Variants in PCDHGA3 observed in about 807,000 individuals in gnomAD.
PCDHGA3 encodes protocadherin gamma-A3.
A neutral mutation model predicts 58.5 loss-of-function variants in PCDHGA3; 40 were observed. The ratio of observed to expected loss-of-function variants is 0.68; its 90% CI spans 0.53 to 0.89. The LOEUF (loss-of-function observed/expected upper bound fraction) is 0.89, where lower values mean the gene tolerates loss of function less well. Among genes scored for constraint, PCDHGA3 ranks in the 40% least tolerant of loss-of-function variants. The pLI, the probability that PCDHGA3 is intolerant of heterozygous loss-of-function variation, is 0.00. For synonymous variants in PCDHGA3, 530 were observed against 525.7 expected (o/e 1.01, Z -0.11); for missense variants, 1,223 against 1,195.9 (o/e 1.02, Z -0.33).
Position 141,477,535 on chromosome 5 carries a change from G to A in PCDHGA3, c.2425-17272G>A, listed in dbSNP as rs2099412713. ...ACATTGAAGAAAACAACCTCCCCGG[G>A]GCTCCAATACTAAACCTAAGTGTCT... On this transcript the variant is annotated intron_variant, in intron 1 of 3. Transcript: ENST00000253812. The surrounding 1 kb of genome is among the most constrained non-coding windows in gnomAD (Gnocchi z 4.9). 1.2e-6 allele frequency: 2 copies of A among 1,613,936 alleles called. No homozygotes were observed. The highest frequency in any genetic ancestry group is 2.7e-5 in the African/African-American group (2 of 74,866).
rs761350249 is a variant in PCDHGA3 at position 141,418,909 on chromosome 5, G to A, written c.2424+72452G>A. Reference sequence around the variant, plus strand: ...ACAACAGCCCAGAAATAATCATCACGTCACTCTCTGATCAGATTATGGAGG... The same window carrying A: ...ACAACAGCCCAGAAATAATCATCACATCACTCTCTGATCAGATTATGGAGG... On this transcript the variant is annotated intron_variant, in intron 1 of 3. Coordinates refer to ENST00000253812, the MANE Select transcript of PCDHGA3 (RefSeq NM_018916.4). The A allele has an allele frequency of 1.9e-6, 3 of 1,613,906 alleles. No homozygotes were observed. In the Admixed American group the frequency reaches 5.0e-5, roughly 27 times the overall value.
intron 1 of PCDHGA3, chr5:141,388,456 A>G: frequency 5.0e-6 from 8 of 1,613,810 alleles, no homozygotes; most frequent in Non-Finnish European, 5.9e-6. Flanking sequence ...GGCAGTAAAT[A>G]CCCTGAGATG....
In PCDHGA3 at chr5:141,454,796, A is replaced by ATTTTTTTTTTTTTTTTTTTTT. The variant is rs61612330; in HGVS notation, c.2425-40002_2425-39982dup. Reference sequence around the variant, plus strand: ...AAGGAAATAATCCTCCATGGTTCTAATTTTTTTTTTTTTTTTTTTTTTTTT... The same window carrying ATTTTTTTTTTTTTTTTTTTTT: ...AAGGAAATAATCCTCCATGGTTCTAATTTTTTTTTTTTTTTTTTTTTTTTTTTTTTTTTTTTTTTTTTTTTT... On this transcript the variant is annotated intron_variant, in intron 1 of 3. Transcript: ENST00000253812. Among the ~76,000 whole-genome samples, 10 of 77,454 alleles carry ATTTTTTTTTTTTTTTTTTTTT rather than the reference A, an allele frequency of 1.3e-4. 1 individual carries two copies. Among genetic ancestry groups the ATTTTTTTTTTTTTTTTTTTTT allele is most frequent in the Non-Finnish European group, 1.9e-4 (8 of 42,810 alleles). The allele number at this position is 77,454 out of a possible 152,430, so 50.8% of individuals were successfully genotyped here. A position where few individuals can be genotyped will look rare whatever the true frequency, so the allele number is the denominator to read the frequency against.
intron 1 of PCDHGA3, chr5:141,422,865 C>G: frequency 1.2e-6 from 2 of 1,614,244 alleles, no homozygotes; most frequent in Non-Finnish European, 1.7e-6. Context: ...TCAGCAGCAA[C>G]GTGTCGCTGA....
intron 1 of PCDHGA3, among the ~76,000 whole-genome samples, chr5:141,465,360 C>T (rs1238387777): frequency 6.6e-6 from 1 of 151,940 alleles, no homozygotes; most frequent in Non-Finnish European, 1.5e-5. Context: ...AAAATGGGTG[C>T]CCTTTAAAGT....
At chr5:141,357,187 G>A in intron 1 of PCDHGA3, 4 of 1,613,774 alleles carry the variant, frequency 2.5e-6, no homozygotes, top group Non-Finnish European at 3.4e-6. Context: ...ACTCACTGTG[G>A]CTGTGGCCGA....
chr5:141,361,403 C>T (rs376882541), intron 1 of PCDHGA3: 1 of 1,614,050 alleles, frequency 6.2e-7, no homozygotes, highest in Non-Finnish European at 8.5e-7. Context: ...CTCACCATCA[C>T]AGCCACCGAC....
At chr5:141,403,083 T>A (rs775664314) in intron 1 of PCDHGA3, 2 of 1,613,932 alleles carry the variant, frequency 1.2e-6, no homozygotes, top group East Asian at 4.5e-5. Flanking sequence ...AAGGGCTATA[T>A]TGTGGGCAAC....
At chr5:141,408,192 C>A (rs2095055859) in intron 1 of PCDHGA3, 1 of 1,545,004 alleles carries the variant, frequency 6.5e-7, no homozygotes, top group South Asian at 1.2e-5. Flanking sequence ...CAGCGAGAAC[C>A]CGAGCGAACG....
rs758540898 is a variant in PCDHGA3 at position 141,400,450 on chromosome 5, A to G, written c.2424+53993A>G. The G allele has an allele frequency of 3.7e-6, 6 of 1,613,982 alleles. No homozygotes were observed. The African/African-American group carries it at 5.3e-5, about 14-fold the overall frequency. ...TGAGCAATTGAGTTCAGGACAAGAC[A>G]TACTTTGTGGTGATTCATCTGGGGC... On this transcript the variant is annotated intron_variant, in intron 1 of 3. Transcript: ENST00000253812.
chr5:141,406,481 T>C (rs2094814987), intron 1 of PCDHGA3, among the ~76,000 whole-genome samples: 2 of 152,242 alleles, frequency 1.3e-5, no homozygotes, highest in Admixed American at 6.5e-5. Flanking sequence ...GGTTATATTT[T>C]TCAGATCACA....
At position 141,432,718 on chromosome 5, in the gene PCDHGA3, T is replaced by C; in HGVS notation, c.2425-62089T>C. ...CCGTCCAGGACCACGGCCAGCCCCC[T>C]CTCTCCGCCACTGTCACGCTCACCG... On this transcript the variant is annotated intron_variant, in intron 1 of 3. Coordinates refer to ENST00000253812, the MANE Select transcript of PCDHGA3 (RefSeq NM_018916.4). This position sits in a 1 kb window ranked among gnomAD's most constrained non-coding sequence, Gnocchi z 6.0. 1 of 1,613,476 alleles carries C rather than the reference T, an allele frequency of 6.2e-7. No homozygotes were observed. The highest frequency in any genetic ancestry group is 8.5e-7 in the Non-Finnish European group (1 of 1,179,862).
At chr5:141,415,114 G>T in intron 1 of PCDHGA3, 5 of 1,613,648 alleles carry the variant, frequency 3.1e-6, no homozygotes, top group Non-Finnish European at 4.2e-6. Flanking sequence ...GCAAAGCCTC[G>T]TAGTGGCCGT....
chr5:141,379,890 T>A (rs1002813574), intron 1 of PCDHGA3, among the ~76,000 whole-genome samples: 1 of 25,360 alleles, frequency 3.9e-5, no homozygotes, highest in East Asian at 2.2e-3. Context: ...TGAAAGCCTC[T>A]TTTTTTTTTT....
Position 141,343,985 on chromosome 5 carries a change from C to A in PCDHGA3, c.-49C>A. 1 of 1,448,320 alleles carries A rather than the reference C, an allele frequency of 6.9e-7. No individual in the cohort carries two copies. Among genetic ancestry groups the A allele is most frequent in the South Asian group, 1.5e-5 (1 of 68,180 alleles). The allele number at this position is 1,448,320 out of a possible 1,614,324, so 89.7% of individuals were successfully genotyped here. A position where few individuals can be genotyped will look rare whatever the true frequency, so the allele number is the denominator to read the frequency against. On this transcript the variant is annotated 5_prime_UTR_variant, in exon 1 of 4. Transcript: ENST00000253812. ...TTGAGAAAATAAGATTGGAGTCCGT[C>A]GTAGGAAACTGGAACCGAATTCAGA...
chr5:141,485,744 G>T lies in PCDHGA3; in HGVS notation c.2425-9063G>T. 1 of 1,614,226 alleles carries T rather than the reference G, an allele frequency of 6.2e-7. No individual in the cohort carries two copies. Among genetic ancestry groups the T allele is most frequent in the Non-Finnish European group, 8.5e-7 (1 of 1,180,038 alleles). On this transcript the variant is annotated intron_variant, in intron 1 of 3. Transcript: ENST00000253812. The surrounding 1 kb of genome is among the most constrained non-coding windows in gnomAD (Gnocchi z 5.7). ...GAAGAAGCGCAGCGACGGCAGCCTG[G>T]TCCCAGAGCTGCTCCTGGAGAAGCC...
chr5:141,351,428 T>C (rs746578484), intron 1 of PCDHGA3: 295 of 1,611,860 alleles, frequency 1.8e-4, no homozygotes, highest in Non-Finnish European at 2.4e-4. Flanking sequence ...TCCTTTCAAA[T>C]TAGAATCCAC....
At chr5:141,430,661 G>A in intron 1 of PCDHGA3, 1 of 1,159,744 alleles carries the variant, frequency 8.6e-7, no homozygotes, top group South Asian at 2.1e-5. Context: ...CAACGGAGGA[G>A]CTCTGACTTC....
rs1271916110 is a variant in PCDHGA3, at chr5:141,394,787, C to T, written c.2424+48330C>T. 11 of 1,613,632 alleles carry T rather than the reference C, an allele frequency of 6.8e-6. 1 individual carries two copies. The highest frequency in any genetic ancestry group is 9.3e-6 in the Non-Finnish European group (11 of 1,180,016). On this transcript the variant is annotated intron_variant, in intron 1 of 3. Transcript: ENST00000253812. ...GCCAGCCCCCTCTCTCCGCCACTGT[C>T]ACGCTCACCGTAGCCGTGGCTGACA... is the stretch of plus-strand genomic sequence containing the variant.
Sources: gnomAD v4.1 joint callset for allele counts (sites outside exome capture counted in the v4.1 genomes callset) on GRCh38, gnomAD v4.1.1 for gene constraint, Gnocchi (gnomAD v3.1) non-coding constraint, MANE v1.5 for transcripts, NCBI Gene and HGNC (gene_info 2026-07-23, HGNC 2026-07-21) for gene names.